Variants in MGAT4A observed in about 807,000 individuals in gnomAD.
MGAT4A encodes N-acetylglucosaminyltransferase IVa.
Under a neutral mutation model 74.1 loss-of-function variants are expected in MGAT4A, and 33 were observed. That is an observed-to-expected ratio of 0.45 (90% CI 0.34 to 0.60). The LOEUF is 0.60. MGAT4A is among the 20% of genes least tolerant of loss of function. MGAT4A has a pLI of 0.02. For synonymous variants in MGAT4A, 198 were observed against 210.4 expected, an observed-to-expected ratio of 0.94 and a Z score of 0.51; for missense variants, 479 against 628.3, an observed-to-expected ratio of 0.76 and a Z score of 2.54.
intron 4 of MGAT4A, among the ~76,000 whole-genome samples, chr2:98,668,997 T>C (rs1022153986): frequency 2.6e-5 from 4 of 152,218 alleles, no homozygotes; most frequent in African/African-American, 9.6e-5. Context: ...CAGCTTGCTT[T>C]TGATTTTACA....
Position 98,644,008 on chromosome 2 carries a change from A to G in MGAT4A, c.935T>C (p.Ile312Thr). 1.2e-6 allele frequency: 2 copies of G among 1,606,020 alleles called. No homozygotes were observed. Among genetic ancestry groups the G allele is most frequent in the Non-Finnish European group, 1.7e-6 (2 of 1,174,258 alleles). ...APDLTLIVEF[I>T]FMFYKEKPID... ...GGGTTTCTCCTTGTAAAACATGAATATGAATTCTACAATCAGAGTAAGATC... is the reference window on the plus strand; with the variant it reads ...GGGTTTCTCCTTGTAAAACATGAATGTGAATTCTACAATCAGAGTAAGATC... The change falls in exon 10 of 16, where the codon ATA becomes ACA. Residue 312 changes from isoleucine to threonine, a missense_variant. Physicochemically the swap from Ile to Thr is moderately conservative, Grantham distance 89. Transcript: ENST00000393487.
intron 2 of MGAT4A, among the ~76,000 whole-genome samples, chr2:98,706,141 C>T (rs981677011): frequency 2.0e-5 from 3 of 152,020 alleles, no homozygotes; most frequent in African/African-American, 7.2e-5. Flanking sequence ...GACAAAAAAG[C>T]TATTTCTACT....
intron 2 of MGAT4A, among the ~76,000 whole-genome samples, chr2:98,687,802 A>G (rs1300324556): frequency 6.6e-6 from 1 of 152,052 alleles, no homozygotes; most frequent in Non-Finnish European, 1.5e-5. Context: ...AGCTGACACC[A>G]TTTCCAACAC....
chr2:98,656,123 T>C, intron 7 of MGAT4A: 2 of 442,716 alleles, frequency 4.5e-6, no homozygotes, highest in South Asian at 5.3e-5. Context: ...GAGAAGTGGA[T>C]CTAAAAGCTA....
At chr2:98,673,473 TG>T in intron 4 of MGAT4A, among the ~76,000 whole-genome samples, 3 of 152,198 alleles carry the variant, frequency 2.0e-5, no homozygotes, top group Non-Finnish European at 4.4e-5. Context: ...CTTTTCCTAA[TG>T]ATTTAGGGAG....
intron 2 of MGAT4A, among the ~76,000 whole-genome samples, chr2:98,702,657 A>G (rs918559829): frequency 1.2e-4 from 18 of 152,336 alleles, no homozygotes; most frequent in Non-Finnish European, 1.6e-4. Flanking sequence ...ACAGTCCAAC[A>G]GGTCCTGAGC....
rs1177813775 is a variant in MGAT4A at position 98,620,553 on chromosome 2, G to A, written c.*5013C>T. The A allele has an allele frequency of 1.3e-5, 2 of 152,120 alleles. No homozygotes were observed. Among genetic ancestry groups the A allele is most frequent in the African/African-American group, 2.4e-5 (1 of 41,424 alleles). 9.4% of individuals were successfully genotyped at this position (152,120 alleles called of 1,614,324 possible). A position where few individuals can be genotyped will look rare whatever the true frequency, so the allele number is the denominator to read the frequency against. ...AAACTTCATTAGCTATTAATGGCTT[G>A]GAAGCAGAGAGGTATTTGCAAAACA... On this transcript the variant is annotated 3_prime_UTR_variant, in exon 16 of 16. Transcript: ENST00000393487.
Position 98,636,957 on chromosome 2 carries a change from C to T in MGAT4A, c.1323-362G>A, listed in dbSNP as rs150434270. Reference sequence around the variant, plus strand: ...AAATTATAACACCTATATAATACTGCTGTATCTTATATCAGAAAAAAACTT... The same window carrying T: ...AAATTATAACACCTATATAATACTGTTGTATCTTATATCAGAAAAAAACTT... On this transcript the variant is annotated intron_variant, in intron 12 of 15. Transcript: ENST00000393487. 7.1e-3 allele frequency among the ~76,000 whole-genome samples: 1,076 copies of T among 152,218 alleles called. 20 individuals carry two copies. The highest frequency in any genetic ancestry group is 0.024 in the African/African-American group (1,003 of 41,516).
intron 2 of MGAT4A, among the ~76,000 whole-genome samples, chr2:98,699,978 C>G (rs997360798): frequency 4.6e-5 from 7 of 152,154 alleles, no homozygotes; most frequent in South Asian, 2.1e-4. Context: ...GTGACCCGTC[C>G]TTGCCTTTTT....
chr2:98,633,771 T>C (rs1293026736), intron 14 of MGAT4A, among the ~76,000 whole-genome samples: 1 of 152,232 alleles, frequency 6.6e-6, no homozygotes, highest in Non-Finnish European at 1.5e-5. Flanking sequence ...CCTATGCTAC[T>C]TTCATAATCT....
intron 10 of MGAT4A, among the ~76,000 whole-genome samples, chr2:98,640,515 A>G (rs1025401037): frequency 1.3e-5 from 2 of 152,134 alleles, no homozygotes; most frequent in African/African-American, 2.4e-5. Context: ...GAAGCAGGAG[A>G]ATCGCTTGAA....
In MGAT4A at chr2:98,620,179, C is replaced by G. The variant is rs1417820673; in HGVS notation, c.*5387G>C. The G allele has an allele frequency of 4.6e-5, 7 of 152,220 alleles. No homozygotes were observed. The East Asian group carries it at 1.4e-3, about 29-fold the overall frequency. 9.4% of individuals were successfully genotyped at this position (152,220 alleles called of 1,614,324 possible). The stretch of plus-strand genomic sequence containing the variant: ...AACAAAATCCTCAGTTTGGTTGGGT[C>G]TTTAAAAAATACCTTTTTAGCATTG... On this transcript the variant is annotated 3_prime_UTR_variant, in exon 16 of 16. Coordinates refer to ENST00000393487, the MANE Select transcript of MGAT4A (RefSeq NM_012214.3).
At chr2:98,718,322 T>C (rs1575283321) in intron 2 of MGAT4A, among the ~76,000 whole-genome samples, 1 of 152,198 alleles carries the variant, frequency 6.6e-6, no homozygotes, top group African/African-American at 2.4e-5. Context: ...CAAAATATTT[T>C]TGGAGCTCCA....
At chr2:98,730,415 G>C (rs1173547057) in intron 1 of MGAT4A, among the ~76,000 whole-genome samples, 1 of 152,194 alleles carries the variant, frequency 6.6e-6, no homozygotes, top group Non-Finnish European at 1.5e-5. Flanking sequence ...TGAGGCCTGG[G>C]GAAACGGGGG....
intron 2 of MGAT4A, among the ~76,000 whole-genome samples, chr2:98,718,011 T>C (rs922350669): frequency 3.3e-5 from 5 of 152,250 alleles, no homozygotes; most frequent in Non-Finnish European, 7.3e-5. Flanking sequence ...CACTGTTTAT[T>C]TACAAATAAG....
intron 2 of MGAT4A, among the ~76,000 whole-genome samples, chr2:98,681,228 G>T (rs1399977545): frequency 1.3e-5 from 2 of 152,086 alleles, no homozygotes; most frequent in African/African-American, 4.8e-5. Flanking sequence ...TGATCCGCCC[G>T]CCTCAGCCTC....
chr2:98,636,566 T>G lies in MGAT4A; in HGVS notation c.1352A>C (p.His451Pro). Residue 451 changes from histidine (H) to proline (P), a missense_variant, in exon 13 of 16, where the codon CAT (histidine) becomes CCT (proline). His to Pro is a moderately conservative substitution (Grantham distance 77). Coordinates refer to ENST00000393487, the MANE Select transcript of MGAT4A (RefSeq NM_012214.3). Reference sequence around the variant, plus strand: ...TGTGTTTAGCAGAATATCTCCAGGATGTTCTTGGTTGCCGCTATGGAACAA... The same window carrying G: ...TGTGTTTAGCAGAATATCTCCAGGAGGTTCTTGGTTGCCGCTATGGAACAA... Reference protein sequence around the residue: ...SYLFHSGNQEHPGDILLNTTV... With the variant: ...SYLFHSGNQEPPGDILLNTTV... 5 of 1,613,990 alleles carry G rather than the reference T, an allele frequency of 3.1e-6. No homozygotes were observed. Among genetic ancestry groups the G allele is most frequent in the Non-Finnish European group, 2.5e-6 (3 of 1,179,862 alleles).
intron 1 of MGAT4A, 76 bp from the exon 2 acceptor site, chr2:98,726,643 T>C: frequency 3.0e-6 from 1 of 330,192 alleles, no homozygotes. Context: ...TATTCATCAT[T>C]ATAAACAGAC....
At chr2:98,650,690 C>T (rs1354216223) in intron 8 of MGAT4A, among the ~76,000 whole-genome samples, 2 of 152,176 alleles carry the variant, frequency 1.3e-5, no homozygotes, top group Non-Finnish European at 2.9e-5. Flanking sequence ...GTGGCTCACA[C>T]CTGTAATCCC....
Sources: gnomAD v4.1 joint callset for allele counts (sites outside exome capture counted in the v4.1 genomes callset) on GRCh38, gnomAD v4.1.1 for gene constraint, MANE v1.5 for transcripts, NCBI Gene and HGNC (gene_info 2026-07-23, HGNC 2026-07-21) for gene names.